PLCXD3: variants seen among roughly 807,000 people sequenced by gnomAD.
PLCXD3 encodes the protein PI-PLC X domain-containing protein 3.
PLCXD3 carries 19 observed loss-of-function variants against 25.5 expected under a neutral mutation model. The ratio of observed to expected loss-of-function variants is 0.75; its 90% CI spans 0.52 to 1.09. PLCXD3 has a LOEUF of 1.09. PLCXD3 is among the 50% of genes least tolerant of loss of function. The pLI, the probability that PLCXD3 is intolerant of heterozygous loss-of-function variation, is 0.00. For missense variants in PLCXD3, 411 were observed against 388.1 expected (o/e 1.06, Z -0.50); for synonymous variants, 174 against 137.6 (o/e 1.26, Z -1.85).
chr5:41,463,280 G>A (rs372829906), intron 1 of PLCXD3, among the ~76,000 whole-genome samples: 1 of 151,906 alleles, frequency 6.6e-6, no homozygotes, highest in Non-Finnish European at 1.5e-5. Flanking sequence ...GAAGTCTGAG[G>A]GTGCCAGCAT....
At chr5:41,320,962 A>G (rs560818809) in intron 2 of PLCXD3, among the ~76,000 whole-genome samples, 18 of 152,310 alleles carry the variant, frequency 1.2e-4, no homozygotes, top group African/African-American at 4.3e-4. Context: ...CATAATAAAA[A>G]CCATATACAA....
chr5:41,457,259 T>C (rs1580382684), intron 1 of PLCXD3, among the ~76,000 whole-genome samples: 2 of 152,030 alleles, frequency 1.3e-5, no homozygotes, highest in South Asian at 4.1e-4. Context: ...TGAACATGTA[T>C]CTGAGAACCC....
intron 1 of PLCXD3, among the ~76,000 whole-genome samples, chr5:41,506,725 C>G (rs1210636869): frequency 6.6e-6 from 1 of 152,196 alleles, no homozygotes; most frequent in Non-Finnish European, 1.5e-5. Context: ...TGTTTAAACA[C>G]TTAGCTTCCC....
intron 2 of PLCXD3, among the ~76,000 whole-genome samples, chr5:41,370,104 G>A (rs1418485057): frequency 6.6e-6 from 1 of 152,162 alleles, no homozygotes; most frequent in Non-Finnish European, 1.5e-5. Flanking sequence ...TAAGTGATGA[G>A]GGGGTGGAAG....
chr5:41,359,803 C>G (rs948846204), intron 2 of PLCXD3, among the ~76,000 whole-genome samples: 10 of 152,050 alleles, frequency 6.6e-5, no homozygotes, highest in African/African-American at 2.4e-4. Flanking sequence ...AACCTGATGA[C>G]TATGTGCCTA....
intron 1 of PLCXD3, among the ~76,000 whole-genome samples, chr5:41,434,639 G>A (rs1317386878): frequency 6.6e-6 from 1 of 152,168 alleles, no homozygotes. Context: ...AATAGCATTA[G>A]GGGTATAAAT....
At position 41,504,561 on chromosome 5, in the gene PLCXD3, G is replaced by C. The variant is rs528480410; in HGVS notation, c.103+5863C>G. The stretch of plus-strand genomic sequence containing the variant: ...CTTCCACAATGGGTGACCAAGCTCT[G>C]GGAGCCTTTGACTCTTGTTAGACAT... On this transcript the variant is annotated intron_variant, in intron 1 of 2. Coordinates refer to ENST00000377801, the MANE Select transcript of PLCXD3 (RefSeq NM_001005473.3). Among the ~76,000 whole-genome samples the C allele has an allele frequency of 2.0e-5, 3 of 152,302 alleles. No homozygotes were observed. In the South Asian group the frequency reaches 6.2e-4, roughly 32 times the overall value.
intron 2 of PLCXD3, among the ~76,000 whole-genome samples, chr5:41,337,521 T>A (rs1003848802): frequency 6.6e-6 from 1 of 152,174 alleles, no homozygotes; most frequent in African/African-American, 2.4e-5. Context: ...TTGAGTTTGA[T>A]TTTGTTTTTT....
At position 41,312,685 on chromosome 5, in the gene PLCXD3, T is replaced by TTTCCTTCCTTCCTTCCTTCCTTCC. The variant is rs56721407; in HGVS notation, c.*908_*931dup. On this transcript the variant is annotated 3_prime_UTR_variant, in exon 3 of 3. Coordinates refer to ENST00000377801, the MANE Select transcript of PLCXD3 (RefSeq NM_001005473.3). ...CTTCCTCCCTCCCTTCCTTTCTTCC[T>TTTCCTTCCTTCCTTCCTTCCTTCC]TTCCTTCCTTCCTTCCTTCCTTCCT... 4.4e-4 allele frequency: 46 copies of TTTCCTTCCTTCCTTCCTTCCTTCC among 104,772 alleles called. No individual in the cohort carries two copies. Among genetic ancestry groups the TTTCCTTCCTTCCTTCCTTCCTTCC allele is most frequent in the Non-Finnish European group, 3.7e-4 (19 of 51,278 alleles). The allele number at this position is 104,772 out of a possible 1,614,324, so 6.5% of individuals were successfully genotyped here. A position where few individuals can be genotyped will look rare whatever the true frequency, so the allele number is the denominator to read the frequency against.
At chr5:41,351,131 C>CT (rs1250696255) in intron 2 of PLCXD3, among the ~76,000 whole-genome samples, 5 of 151,644 alleles carry the variant, frequency 3.3e-5, no homozygotes, top group East Asian at 1.9e-4. Context: ...GAGCAGATAC[C>CT]TTTTTTTTGA....
At chr5:41,465,949 G>C (rs1456381941) in intron 1 of PLCXD3, among the ~76,000 whole-genome samples, 3 of 151,998 alleles carry the variant, frequency 2.0e-5, no homozygotes, top group Non-Finnish European at 2.9e-5. Flanking sequence ...TCTTAGCTAA[G>C]AAAAGAAACT....
In PLCXD3 at chr5:41,382,547, C is replaced by T; in HGVS notation, c.104-13G>A. ...GAATCATGAGACCCTAGGAGAATAACAAGGCATAGTGTGGTTAATTTCCAC... is the reference window on the plus strand; with the variant it reads ...GAATCATGAGACCCTAGGAGAATAATAAGGCATAGTGTGGTTAATTTCCAC... On this transcript the variant is annotated splice_polypyrimidine_tract_variant and intron_variant, in intron 1 of 2. Transcript: ENST00000377801. 6.4e-7 allele frequency: 1 copy of T among 1,571,178 alleles called. No homozygotes were observed. The highest frequency in any genetic ancestry group is 1.1e-5 in the South Asian group (1 of 88,016).
chr5:41,356,743 G>A (rs1744630389), intron 2 of PLCXD3, among the ~76,000 whole-genome samples: 1 of 152,138 alleles, frequency 6.6e-6, no homozygotes. Flanking sequence ...TCCTGGTGAA[G>A]TGACCCCCCA....
At chr5:41,345,160 C>T (rs1321008569) in intron 2 of PLCXD3, among the ~76,000 whole-genome samples, 4 of 152,066 alleles carry the variant, frequency 2.6e-5, no homozygotes, top group Non-Finnish European at 5.9e-5. Flanking sequence ...GATTTGTGTC[C>T]AAATAATATG....
intron 2 of PLCXD3, among the ~76,000 whole-genome samples, chr5:41,332,693 C>T (rs1378238864): frequency 1.3e-5 from 2 of 152,006 alleles, no homozygotes; most frequent in African/African-American, 4.8e-5. Flanking sequence ...TGGAACCAAC[C>T]CAAATGTCCA....
chr5:41,474,387 T>C (rs1238006561), intron 1 of PLCXD3, among the ~76,000 whole-genome samples: 1 of 152,216 alleles, frequency 6.6e-6, no homozygotes, highest in East Asian at 1.9e-4. Flanking sequence ...GCCAACATTC[T>C]GCATTTATGA....
chr5:41,360,897 A>C (rs1388190549), intron 2 of PLCXD3, among the ~76,000 whole-genome samples: 1 of 152,188 alleles, frequency 6.6e-6, no homozygotes, highest in Non-Finnish European at 1.5e-5. Context: ...AGGAGTTTGC[A>C]AACTCACCTT....
chr5:41,481,015 C>T (rs1234620089), intron 1 of PLCXD3, among the ~76,000 whole-genome samples: 1 of 145,070 alleles, frequency 6.9e-6, no homozygotes, highest in African/African-American at 2.6e-5. Flanking sequence ...AATTAGTATG[C>T]ACTTAATGAG....
intron 1 of PLCXD3, among the ~76,000 whole-genome samples, chr5:41,486,662 C>T (rs1334767134): frequency 1.3e-5 from 2 of 151,992 alleles, no homozygotes; most frequent in South Asian, 4.2e-4. Flanking sequence ...AAAGGCAGTC[C>T]CTACCAGAGA....
Sources: allele counts gnomAD v4.1 joint callset (sites outside exome capture counted in the v4.1 genomes callset), GRCh38; gene constraint gnomAD v4.1.1; transcripts MANE v1.5; gene names NCBI Gene and HGNC (gene_info 2026-07-23, HGNC 2026-07-21).